Variants in ANO4 observed in about 807,000 individuals in gnomAD.
ANO4 encodes anoctamin 4.
A neutral mutation model predicts 141.9 loss-of-function variants in ANO4; 69 were observed. That is an observed-to-expected ratio of 0.49 (90% confidence interval 0.40 to 0.59). ANO4 has a LOEUF of 0.59. Ranked by LOEUF, ANO4 falls within the 20% of genes least tolerant of loss-of-function variation. The pLI, the probability that ANO4 is intolerant of heterozygous loss-of-function variation, is 0.00. For missense variants in ANO4, 894 were observed against 1,162.2 expected (o/e 0.77, Z 3.36); for synonymous variants, 350 against 394.3 (o/e 0.89, Z 1.33).
intron 14 of ANO4, among the ~76,000 whole-genome samples, chr12:101,054,721 G>C (rs551540446): frequency 2.1e-4 from 32 of 152,250 alleles, no homozygotes; most frequent in East Asian, 3.9e-4. Context: ...AGAATGGTCT[G>C]GATCTTCTGA....
At chr12:100,868,050 C>T (rs1012429479) in intron 1 of ANO4, among the ~76,000 whole-genome samples, 17 of 152,308 alleles carry the variant, frequency 1.1e-4, no homozygotes, top group African/African-American at 3.8e-4. Flanking sequence ...CACCTGTCTC[C>T]ACAAGCCTCC....
upstream of ANO4, chr12:100,717,517 C>CG (rs2030655134): frequency 2.5e-6 from 1 of 399,000 alleles, no homozygotes; most frequent in Admixed American, 4.4e-5. Flanking sequence ...GGGCAGGACG[C>CG]GGGCCAGGAT....
intron 1 of ANO4, among the ~76,000 whole-genome samples, chr12:100,836,971 C>T (rs2036962348): frequency 6.6e-6 from 1 of 152,074 alleles, no homozygotes; most frequent in East Asian, 1.9e-4. Flanking sequence ...TGATAACATC[C>T]CCAAAGGAGA....
At chr12:100,736,358 C>A (rs563660623) in intron 2 of ANO4, among the ~76,000 whole-genome samples, 102 of 152,236 alleles carry the variant, frequency 6.7e-4, no homozygotes, top group African/African-American at 2.4e-3. Flanking sequence ...TCAAAAAGAT[C>A]CTGAGGTAAA....
intron 3 of ANO4, among the ~76,000 whole-genome samples, chr12:100,750,159 C>A (rs1377659880): frequency 6.6e-6 from 1 of 150,998 alleles, no homozygotes; most frequent in African/African-American, 2.4e-5. Flanking sequence ...TCTTTTTAGA[C>A]AGTCTCACTC....
intron 2 of ANO4, among the ~76,000 whole-genome samples, chr12:100,911,474 G>T (rs1408103518): frequency 6.6e-6 from 1 of 152,204 alleles, no homozygotes; most frequent in Non-Finnish European, 1.5e-5. Context: ...AGGTTCTGTT[G>T]ATTGCTTGTG....
intron 5 of ANO4, among the ~76,000 whole-genome samples, chr12:100,963,817 A>G (rs2043531316): frequency 6.6e-6 from 1 of 152,122 alleles, no homozygotes; most frequent in African/African-American, 2.4e-5. Flanking sequence ...CAGAAACATC[A>G]AGGAATTCTA....
intron 15 of ANO4, 144 bp from the exon 16 acceptor site, chr12:101,083,534 C>G (rs1346662599): frequency 3.2e-6 from 3 of 927,000 alleles, no homozygotes; most frequent in Non-Finnish European, 4.8e-6. Context: ...AACATTTAAG[C>G]CTGGGCACCC....
intron 1 of ANO4, among the ~76,000 whole-genome samples, chr12:100,877,222 TTAA>T (rs138996735): frequency 0.017 from 2,584 of 151,982 alleles, 77 homozygotes; most frequent in African/African-American, 0.059. Flanking sequence ...ATGACTATAG[TTAA>T]TAATAATATA....
intron 8 of ANO4, among the ~76,000 whole-genome samples, chr12:101,016,671 G>A (rs531024097): frequency 6.6e-5 from 10 of 152,278 alleles, no homozygotes; most frequent in Non-Finnish European, 1.2e-4. Context: ...GAGCATGGCC[G>A]GTTTCTGCCC....
intron 9 of ANO4, among the ~76,000 whole-genome samples, chr12:101,030,496 A>G (rs545815422): frequency 6.6e-6 from 1 of 152,226 alleles, no homozygotes; most frequent in East Asian, 1.9e-4. Context: ...AGGGAAATGT[A>G]TAGCACTAAA....
intron 1 of ANO4, among the ~76,000 whole-genome samples, chr12:100,854,396 C>T (rs1487725381): frequency 6.6e-6 from 1 of 152,008 alleles, no homozygotes; most frequent in East Asian, 1.9e-4. Flanking sequence ...TACTAGAGAC[C>T]CGTGTTTTCC....
chr12:101,116,175 A>T (rs2050842634), intron 24 of ANO4, among the ~76,000 whole-genome samples: 1 of 152,184 alleles, frequency 6.6e-6, no homozygotes, highest in South Asian at 2.1e-4. Flanking sequence ...CTAACAGAAA[A>T]GATAACAAGC....
At chr12:100,825,465 AC>A (rs2036280541) in intron 1 of ANO4, among the ~76,000 whole-genome samples, 1 of 152,052 alleles carries the variant, frequency 6.6e-6, no homozygotes, top group Admixed American at 6.6e-5. Context: ...TGGAATTTAA[AC>A]TTTTTCAACA....
intron 2 of ANO4, among the ~76,000 whole-genome samples, chr12:100,921,004 A>G (rs2041605539): frequency 6.6e-6 from 1 of 152,142 alleles, no homozygotes; most frequent in South Asian, 2.1e-4. Flanking sequence ...GAGGTTCAGC[A>G]TTATCTAATA....
chr12:100,843,614 C>T (rs187823758), intron 1 of ANO4, among the ~76,000 whole-genome samples: 10 of 152,256 alleles, frequency 6.6e-5, no homozygotes, highest in South Asian at 2.1e-4. Context: ...GACAGGTAGA[C>T]GACGACATGA....
At chr12:101,055,168 C>A (rs2048059490) in intron 14 of ANO4, among the ~76,000 whole-genome samples, 1 of 152,080 alleles carries the variant, frequency 6.6e-6, no homozygotes, top group African/African-American at 2.4e-5. Context: ...TTCATAAAAG[C>A]CTTTGTAGCC....
At chr12:100,953,751 G>A (rs1049557401) in intron 5 of ANO4, among the ~76,000 whole-genome samples, 14 of 152,140 alleles carry the variant, frequency 9.2e-5, no homozygotes, top group African/African-American at 3.4e-4. Flanking sequence ...AGAGAAATTG[G>A]AATTTGCATG....
chr12:101,039,257 C>A (rs889285031), intron 10 of ANO4, among the ~76,000 whole-genome samples: 2 of 152,266 alleles, frequency 1.3e-5, no homozygotes, highest in South Asian at 4.2e-4. Flanking sequence ...GTAATCCCAG[C>A]ACATTGGGAG....
Sources: allele counts gnomAD v4.1 joint callset (sites outside exome capture counted in the v4.1 genomes callset), GRCh38; gene constraint gnomAD v4.1.1; transcripts MANE v1.5; gene names NCBI Gene and HGNC (gene_info 2026-07-23, HGNC 2026-07-21).